Variants in MRTFB observed in about 807,000 individuals in gnomAD.
MRTFB encodes the protein myocardin-related transcription factor B.
MRTFB carries 29 observed loss-of-function variants against 104.2 expected under a neutral mutation model. The ratio of observed to expected loss-of-function variants is 0.28; its 90% CI spans 0.21 to 0.38. The LOEUF (loss-of-function observed/expected upper bound fraction) is 0.38, where lower values mean the gene tolerates loss of function less well. MRTFB is among the 10% of genes least tolerant of loss of function. The probability of loss-of-function intolerance (pLI) is 1.00; values close to 1 mark genes in which losing one functional copy is unlikely to be tolerated. For synonymous variants in MRTFB, 535 were observed against 519.5 expected (o/e 1.03, Z -0.41); for missense variants, 1,270 against 1,341.6 (o/e 0.95, Z 0.83).
the MRTFB span, among the ~76,000 whole-genome samples, chr16:14,042,919 A>G: frequency 2.0e-5 from 3 of 152,090 alleles, no homozygotes; most frequent in Non-Finnish European, 2.9e-5. Flanking sequence ...GGCTTTGTTT[A>G]TGGGACAGAT....
At chr16:14,161,684 T>C (rs563752440) in intron 3 of MRTFB, among the ~76,000 whole-genome samples, 3 of 152,236 alleles carry the variant, frequency 2.0e-5, no homozygotes, top group Admixed American at 1.3e-4. Context: ...TCTCAATATA[T>C]ATATTGAACA....
Position 14,240,488 on chromosome 16 carries a change from C to A in MRTFB, c.1079+4C>A, listed in dbSNP as rs369777614. On this transcript the variant is annotated splice_donor_region_variant and intron_variant, in intron 10 of 16. Coordinates refer to ENST00000571589, the MANE Select transcript of MRTFB (RefSeq NM_001308142.2). ...CCATCCTGCCTGCACCATTCAAGTACGGCGGGGCCCATGCTATCCTCAACG... is the reference window on the plus strand; with the variant it reads ...CCATCCTGCCTGCACCATTCAAGTAAGGCGGGGCCCATGCTATCCTCAACG... The A allele has an allele frequency of 2.5e-6, 4 of 1,614,208 alleles. No individual in the cohort carries two copies. In the African/African-American group the frequency reaches 4.0e-5, roughly 16 times the overall value.
chr16:14,082,986 G>A (rs141693817), intron 2 of MRTFB, among the ~76,000 whole-genome samples: 1,530 of 152,158 alleles, frequency 0.01, 17 homozygotes, highest in Middle Eastern at 0.061. Context: ...TTTGATCCGT[G>A]AGCATGGGAT....
At chr16:14,012,665 A>G in the MRTFB span, among the ~76,000 whole-genome samples, 1 of 152,116 alleles carries the variant, frequency 6.6e-6, no homozygotes, top group East Asian at 1.9e-4. Flanking sequence ...ATGGTGTCAT[A>G]CCCATTTCCC....
At chr16:14,224,328 C>G (rs2041899009) in intron 8 of MRTFB, among the ~76,000 whole-genome samples, 1 of 152,170 alleles carries the variant, frequency 6.6e-6, no homozygotes, top group Admixed American at 6.5e-5. Context: ...TTACACAAAC[C>G]TAGATGGTAT....
chr16:14,109,397 T>A (rs1056879579), intron 2 of MRTFB, among the ~76,000 whole-genome samples: 7 of 152,198 alleles, frequency 4.6e-5, no homozygotes, highest in Admixed American at 1.3e-4. Flanking sequence ...AAAAAAAAAA[T>A]TTAATTTCAA....
At chr16:13,996,091 G>A in the MRTFB span, among the ~76,000 whole-genome samples, 1 of 152,116 alleles carries the variant, frequency 6.6e-6, no homozygotes, top group Non-Finnish European at 1.5e-5. Flanking sequence ...GGCCAACATG[G>A]TGAAACCCCA....
intron 2 of MRTFB, among the ~76,000 whole-genome samples, chr16:14,135,031 A>G (rs1463018207): frequency 6.6e-6 from 1 of 152,188 alleles, no homozygotes; most frequent in African/African-American, 2.4e-5. Flanking sequence ...AAATTAGGAA[A>G]CTAGGTCTCT....
At chr16:14,051,934 A>G in the MRTFB span, among the ~76,000 whole-genome samples, 1 of 152,000 alleles carries the variant, frequency 6.6e-6, no homozygotes, top group Admixed American at 6.6e-5. Flanking sequence ...ACTTCCCTTT[A>G]CATGCCTTCC....
chr16:14,259,972 T>C (rs2043695724), intron 16 of MRTFB, among the ~76,000 whole-genome samples: 1 of 152,246 alleles, frequency 6.6e-6, no homozygotes, highest in African/African-American at 2.4e-5. Flanking sequence ...TAAGAGGTAT[T>C]GTTAATTTAT....
chr16:14,071,110 C>T (rs527331349), upstream of MRTFB, among the ~76,000 whole-genome samples: 3 of 152,274 alleles, frequency 2.0e-5, no homozygotes, highest in South Asian at 4.1e-4. Flanking sequence ...AGGAGGCGGC[C>T]GCCTCGCACC....
intron 3 of MRTFB, among the ~76,000 whole-genome samples, chr16:14,163,152 C>T (rs2039104985): frequency 6.6e-6 from 1 of 152,148 alleles, no homozygotes; most frequent in African/African-American, 2.4e-5. Context: ...TGTTCTTAGA[C>T]TATATCTCAT....
At position 14,261,068 on chromosome 16, in the gene MRTFB, C is replaced by T; in HGVS notation, c.2924C>T (p.Ser975Phe). Reference sequence around the variant, plus strand: ...TCTTTAGAACCTATGGGCAGTTTATCTGCCAGCTTAGAGAACCAACTAGAA... The same window carrying T: ...TCTTTAGAACCTATGGGCAGTTTATTTGCCAGCTTAGAGAACCAACTAGAA... ...PVSLEPMGSL[S>F]ASLENQLEAF... is the part of the protein sequence containing the mutation. Residue 975 changes from serine to phenylalanine, a missense_variant, in exon 17 of 17, where the codon TCT becomes TTT. Physicochemically the swap from Ser to Phe is radical, Grantham distance 155 (BLOSUM62 -2). Coordinates refer to ENST00000571589, the MANE Select transcript of MRTFB (RefSeq NM_001308142.2). The T allele has an allele frequency of 2.5e-6, 4 of 1,614,190 alleles. No individual in the cohort carries two copies. The highest frequency in any genetic ancestry group is 3.4e-6 in the Non-Finnish European group (4 of 1,180,040).
At chr16:14,033,017 G>GTT in the MRTFB span, among the ~76,000 whole-genome samples, 10 of 124,442 alleles carry the variant, frequency 8.0e-5, no homozygotes, top group Admixed American at 6.1e-4. Flanking sequence ...TCCCTTTGTA[G>GTT]TTTTTTTTTT....
At chr16:14,170,488 T>C (rs2150968246) in intron 3 of MRTFB, 1 of 146,992 alleles carries the variant, frequency 6.8e-6, no homozygotes, top group East Asian at 1.9e-4. Flanking sequence ...ACTCAATAGT[T>C]ATTTTTTGAT....
At chr16:14,238,653 A>T (rs991480107) in intron 9 of MRTFB, among the ~76,000 whole-genome samples, 2 of 152,194 alleles carry the variant, frequency 1.3e-5, no homozygotes, top group African/African-American at 2.4e-5. Flanking sequence ...GTACATGTGG[A>T]TATTAAAATC....
At chr16:14,023,178 C>A in the MRTFB span, among the ~76,000 whole-genome samples, 1 of 152,022 alleles carries the variant, frequency 6.6e-6, no homozygotes, top group South Asian at 2.1e-4. Flanking sequence ...GTGGCTCACA[C>A]CTATAACCCC....
At chr16:14,063,496 C>A in the MRTFB span, among the ~76,000 whole-genome samples, 3 of 152,202 alleles carry the variant, frequency 2.0e-5, no homozygotes, top group Non-Finnish European at 4.4e-5. Flanking sequence ...TTGATCCTCA[C>A]TCTCCTCCCC....
At chr16:14,132,729 G>T (rs11075233) in intron 2 of MRTFB, among the ~76,000 whole-genome samples, 1 of 152,042 alleles carries the variant, frequency 6.6e-6, no homozygotes, top group African/African-American at 2.4e-5. Context: ...AAAATGCTTC[G>T]TGGCAGAAGC....
Sources: allele counts gnomAD v4.1 joint callset (sites outside exome capture counted in the v4.1 genomes callset), GRCh38; gene constraint gnomAD v4.1.1; transcripts MANE v1.5; gene names NCBI Gene and HGNC (gene_info 2026-07-23, HGNC 2026-07-21).